The following AKAP3 variants were observed in gnomAD, a reference collection of about 807,000 sequenced individuals.
AKAP3 encodes the protein A-kinase anchoring protein 3.
AKAP3 carries 27 observed loss-of-function variants against 57.2 expected under a neutral mutation model. The observed-to-expected ratio is 0.47, with a 90% CI of 0.35 to 0.65. The LOEUF (loss-of-function observed/expected upper bound fraction) is 0.65, where lower values mean the gene tolerates loss of function less well. Among genes scored for constraint, AKAP3 ranks in the 30% least tolerant of loss-of-function variants. The pLI is 0.01. For synonymous variants in AKAP3, 334 were observed against 392.3 expected (o/e 0.85, Z 1.76); for missense variants, 959 against 1,040.0 (o/e 0.92, Z 1.07).
intron 1 of AKAP3, among the ~76,000 whole-genome samples, chr12:4,646,257 A>C (rs1397502345): frequency 6.6e-6 from 1 of 152,182 alleles, no homozygotes; most frequent in Non-Finnish European, 1.5e-5. Context: ...TTAATGATTA[A>C]ATATAGGACT....
Position 4,627,668 on chromosome 12 carries a change from T to C in AKAP3, c.1234A>G (p.Met412Val), listed in dbSNP as rs774540025. 5 of 1,614,114 alleles carry C rather than the reference T, an allele frequency of 3.1e-6. No individual in the cohort carries two copies. The highest frequency in any genetic ancestry group is 3.3e-4 in the Middle Eastern group (2 of 6,062). The part of the protein sequence containing the change: ...ESYSLISMKG[M>V]GDPKNRNVNF... ...ACATTTCGGTTTTTAGGATCACCCA[T>C]TCCTTTCATGGAGATGAGGGAATAA... The change falls in exon 5 of 6, where the codon ATG becomes GTG. Residue 412 changes from methionine to valine, a missense_variant. Met to Val is a conservative substitution (Grantham distance 21). Coordinates refer to ENST00000228850, the MANE Select transcript of AKAP3 (RefSeq NM_001278309.2).
chr12:4,635,646 C>T, intron 4 of AKAP3: 1 of 785,342 alleles, frequency 1.3e-6, no homozygotes, highest in Non-Finnish European at 2.2e-6. Context: ...AGTTCTTTAA[C>T]CCAATTTTTT....
chr12:4,627,007 G>A lies in AKAP3; in HGVS notation c.1895C>T (p.Pro632Leu), dbSNP rs749738318. The change falls in exon 5 of 6, where the codon CCG becomes CTG. Residue 632 changes from proline (P) to leucine (L), a missense_variant. Transcript: ENST00000228850. ...TAGCCTGGGGGGAGAAGACGCCAAC[G>A]GTCTTTCACACAACTTCCTATCTTC... ...VKEDRKLCERPLASSPPRLYE... is the reference protein window; with the variant it reads ...VKEDRKLCERLLASSPPRLYE... 2.2e-5 allele frequency: 35 copies of A among 1,613,964 alleles called. No individual in the cohort carries two copies. Among genetic ancestry groups the A allele is most frequent in the Admixed American group, 5.0e-5 (3 of 59,988 alleles).
intron 5 of AKAP3, among the ~76,000 whole-genome samples, chr12:4,619,756 CATCTAAAT>C (rs1945324692): frequency 6.6e-6 from 1 of 152,098 alleles, no homozygotes; most frequent in South Asian, 2.1e-4. Context: ...AAATGGAAAC[CATCTAAAT>C]ATCTATTATC....
At chr12:4,629,624 TTAAAA>T (rs781720848) in intron 4 of AKAP3, among the ~76,000 whole-genome samples, 216 of 152,304 alleles carry the variant, frequency 1.4e-3, no homozygotes, top group Non-Finnish European at 2.5e-3. Flanking sequence ...ACCCCTGAAC[TTAAAA>T]TAAAAGTTAA....
intron 4 of AKAP3, among the ~76,000 whole-genome samples, chr12:4,630,966 C>T (rs1295020779): frequency 6.6e-6 from 1 of 152,016 alleles, no homozygotes. Flanking sequence ...TGAAAATTAT[C>T]TTTTAATGGT....
At chr12:4,646,673 A>AG (rs1565561632) in intron 1 of AKAP3, among the ~76,000 whole-genome samples, 1 of 152,202 alleles carries the variant, frequency 6.6e-6, no homozygotes, top group Non-Finnish European at 1.5e-5. Context: ...CTTGAAAAAA[A>AG]AAAAAGTTAT....
chr12:4,626,704 G>A lies in AKAP3; in HGVS notation c.2198C>T (p.Ala733Val). 5 of 1,614,160 alleles carry A rather than the reference G, an allele frequency of 3.1e-6. No homozygotes were observed. Among genetic ancestry groups the A allele is most frequent in the Non-Finnish European group, 4.2e-6 (5 of 1,180,022 alleles). The change falls in exon 5 of 6, where the codon GCC becomes GTC. Residue 733 changes from alanine (A) to valine (V), a missense_variant. Physicochemically the swap from Ala to Val is moderately conservative, Grantham distance 64. Coordinates refer to ENST00000228850, the MANE Select transcript of AKAP3 (RefSeq NM_001278309.2). ...TGSAEAVLQN[A>V]YQAIHNEMRG... ...CATTTCATTATGGATAGCTTGATAG[G>A]CATTCTGCAGGACAGCTTCTGCTGA...
At position 4,615,861 on chromosome 12, in the gene AKAP3, C is replaced by G. The variant is rs778042760; in HGVS notation, c.2440G>C (p.Gly814Arg). 2.5e-6 allele frequency: 4 copies of G among 1,614,108 alleles called. No homozygotes were observed. The African/African-American group carries it at 5.3e-5, about 22-fold the overall frequency. Residue 814 changes from glycine (G) to arginine (R), a missense_variant, in exon 6 of 6, where the codon GGA becomes CGA. Physicochemically the swap from Gly to Arg is moderately radical, Grantham distance 125 (BLOSUM62 -2). Transcript: ENST00000228850. ...TGCAGAACCTCGCCCACACTGCATC[C>G]TTTGTCCACAGCAGCAGCTGAGAGC... ...LQLSAAAVDKGCSVGEVLQSV... is the reference protein window; with the variant it reads ...LQLSAAAVDKRCSVGEVLQSV...
chr12:4,630,088 A>G (rs1379772570), intron 4 of AKAP3, among the ~76,000 whole-genome samples: 1 of 152,200 alleles, frequency 6.6e-6, no homozygotes, highest in Non-Finnish European at 1.5e-5. Context: ...GTAAAGAATC[A>G]CTGTAATTAT....
intron 4 of AKAP3, among the ~76,000 whole-genome samples, chr12:4,631,158 G>A (rs12580890): frequency 0.1 from 15,338 of 152,002 alleles, 1,459 homozygotes; most frequent in East Asian, 0.28. Context: ...TTCTCACTTC[G>A]GTTTGTTTAT....
At chr12:4,635,082 G>A (rs1860342) in intron 4 of AKAP3, among the ~76,000 whole-genome samples, 37,619 of 151,904 alleles carry the variant, frequency 0.25, 5,534 homozygotes, top group South Asian at 0.43. Flanking sequence ...CTAGCGATGA[G>A]AAATTATTCC....
chr12:4,634,034 A>G (rs567748217), intron 4 of AKAP3, among the ~76,000 whole-genome samples: 1 of 150,328 alleles, frequency 6.7e-6, no homozygotes, highest in Non-Finnish European at 1.5e-5. Flanking sequence ...ATATAAAACT[A>G]AACACTGGTG....
chr12:4,647,544 A>G (rs557561722), intron 1 of AKAP3, among the ~76,000 whole-genome samples: 1 of 152,220 alleles, frequency 6.6e-6, no homozygotes, highest in South Asian at 2.1e-4. Flanking sequence ...TAATTACACC[A>G]TGCAACCTTG....
chr12:4,643,657 T>C (rs1166785376), intron 2 of AKAP3, among the ~76,000 whole-genome samples: 4 of 152,158 alleles, frequency 2.6e-5, no homozygotes, highest in Admixed American at 6.5e-5. Context: ...AGTAGAAGGA[T>C]TGGACTAAAA....
At chr12:4,635,626 T>C in intron 4 of AKAP3, 1 of 777,022 alleles carries the variant, frequency 1.3e-6, no homozygotes, top group Non-Finnish European at 2.3e-6. Context: ...CAGGACATGC[T>C]TGCCTCTGAA....
intron 5 of AKAP3, among the ~76,000 whole-genome samples, chr12:4,616,923 G>C (rs764198153): frequency 6.6e-6 from 1 of 152,110 alleles, no homozygotes; most frequent in East Asian, 1.9e-4. Context: ...AATAATAGAT[G>C]AGAGTATTCC....
chr12:4,617,558 G>A (rs768548493), intron 5 of AKAP3, among the ~76,000 whole-genome samples: 9 of 152,150 alleles, frequency 5.9e-5, no homozygotes, highest in Non-Finnish European at 1.2e-4. Context: ...TTTGAGACCA[G>A]CCTGGCCAAT....
chr12:4,634,184 A>G (rs4766264), intron 4 of AKAP3, among the ~76,000 whole-genome samples: 42,797 of 151,958 alleles, frequency 0.28, 6,200 homozygotes, highest in Middle Eastern at 0.4. Flanking sequence ...AATATACCGA[A>G]TTGATCAAAA....
Sources: gnomAD v4.1 joint callset for allele counts (sites outside exome capture counted in the v4.1 genomes callset) on GRCh38, gnomAD v4.1.1 for gene constraint, MANE v1.5 for transcripts, NCBI Gene and HGNC (gene_info 2026-07-23, HGNC 2026-07-21) for gene names.